ARID1B: variants seen among roughly 807,000 people sequenced by gnomAD.
The protein encoded by ARID1B is AT-rich interactive domain-containing protein 1B.
A neutral mutation model predicts 212.3 loss-of-function variants in ARID1B; 30 were observed. The ratio of observed to expected loss-of-function variants is 0.14; its 90% CI spans 0.11 to 0.19. The LOEUF is 0.19. ARID1B is among the 10% of genes least tolerant of loss of function. ARID1B has a pLI of 1.00. For missense variants in ARID1B, 2,891 were observed against 3,204.0 expected, an observed-to-expected ratio of 0.90 and a Z score of 2.36; for synonymous variants, 1,402 against 1,301.7, an observed-to-expected ratio of 1.08 and a Z score of -1.66.
intron 17 of ARID1B, among the ~76,000 whole-genome samples, chr6:157,199,684 T>A (rs889604000): frequency 6.6e-6 from 1 of 151,954 alleles, no homozygotes; most frequent in African/African-American, 2.4e-5. Flanking sequence ...CTTTTTTTCT[T>A]TTTTTGAGAT....
At chr6:157,125,776 G>A (rs1298520031) in intron 6 of ARID1B, among the ~76,000 whole-genome samples, 1 of 152,196 alleles carries the variant, frequency 6.6e-6, no homozygotes, top group Non-Finnish European at 1.5e-5. Context: ...TGTTGCCTGT[G>A]CTTGGCTCAT....
chr6:156,913,217 CTT>C lies in ARID1B; in HGVS notation c.2136+11708_2136+11709del, dbSNP rs372967890. On this transcript the variant is annotated intron_variant, in intron 3 of 19. Transcript: ENST00000636930. ...ACATCCACTCAACATTTTTCTTTTT[CTT>C]TTTTTTTTTTTTTTTGAGACAGAGT... Among the ~76,000 whole-genome samples the C allele has an allele frequency of 7.6e-3, 984 of 128,974 alleles. 6 individuals carry two copies. Among genetic ancestry groups the C allele is most frequent in the African/African-American group, 0.027 (911 of 33,922 alleles). 84.6% of individuals were successfully genotyped at this position (128,974 alleles called of 152,430 possible). A position where few individuals can be genotyped will look rare whatever the true frequency, so the allele number is the denominator to read the frequency against.
chr6:156,898,609 G>A (rs755548814), intron 2 of ARID1B, among the ~76,000 whole-genome samples: 1 of 152,170 alleles, frequency 6.6e-6, no homozygotes, highest in Non-Finnish European at 1.5e-5. Flanking sequence ...AGTCTGAACA[G>A]CATATAGTAG....
intron 4 of ARID1B, among the ~76,000 whole-genome samples, chr6:156,962,585 C>T (rs570376868): frequency 5.9e-5 from 9 of 152,130 alleles, no homozygotes; most frequent in Non-Finnish European, 1.2e-4. Flanking sequence ...CGGGCTAAAG[C>T]GATCCTCCAA....
At chr6:157,163,433 G>C (rs1042391921) in intron 8 of ARID1B, among the ~76,000 whole-genome samples, 1 of 152,200 alleles carries the variant, frequency 6.6e-6, no homozygotes. Context: ...CGTGCAGTGC[G>C]AGCCTTCTTT....
chr6:156,782,330 T>C (rs566399103), intron 1 of ARID1B, among the ~76,000 whole-genome samples: 1 of 152,174 alleles, frequency 6.6e-6, no homozygotes, highest in South Asian at 2.1e-4. Flanking sequence ...GTTTTCGTAA[T>C]TGGGACAAAA....
intron 6 of ARID1B, among the ~76,000 whole-genome samples, chr6:157,122,239 GT>G (rs1254512338): frequency 2.0e-5 from 3 of 152,108 alleles, no homozygotes; most frequent in African/African-American, 4.8e-5. Flanking sequence ...TTGAAGTAGC[GT>G]TTTTCCTAGA....
chr6:157,114,962 C>T (rs1186983985), intron 6 of ARID1B, among the ~76,000 whole-genome samples: 1 of 152,156 alleles, frequency 6.6e-6, no homozygotes, highest in Non-Finnish European at 1.5e-5. Context: ...CTACTTGGTC[C>T]TGTGTTCCCG....
At chr6:157,017,450 A>G (rs181735800) in intron 4 of ARID1B, among the ~76,000 whole-genome samples, 150 of 152,270 alleles carry the variant, frequency 9.9e-4, no homozygotes, top group Non-Finnish European at 1.9e-3. Flanking sequence ...AGATTTTATA[A>G]AATATGTTTG....
chr6:156,777,654 G>C lies in ARID1B; in HGVS notation c.-27G>C, dbSNP rs1037812919. 6.7e-6 allele frequency: 1 copy of C among 148,312 alleles called. No individual in the cohort carries two copies. Among genetic ancestry groups the C allele is most frequent in the African/African-American group, 2.4e-5 (1 of 40,824 alleles). The allele number at this position is 148,312 out of a possible 1,614,324, so 9.2% of individuals were successfully genotyped here. ...GGGTTATTGTCTCCCCCCGCCCCCC[G>C]CCCGGCCTCGCCACGCCGCGGCGAT... On this transcript the variant is annotated 5_prime_UTR_variant, in exon 1 of 20. Coordinates refer to ENST00000636930, the MANE Select transcript of ARID1B (RefSeq NM_001374828.1).
intron 2 of ARID1B, among the ~76,000 whole-genome samples, chr6:156,843,022 A>T (rs1371042218): frequency 6.6e-6 from 1 of 152,260 alleles, no homozygotes; most frequent in Non-Finnish European, 1.5e-5. Flanking sequence ...GGTGGCACAT[A>T]GACACAGCAT....
intron 1 of ARID1B, among the ~76,000 whole-genome samples, chr6:156,791,012 G>A (rs368654131): frequency 9.9e-5 from 15 of 152,186 alleles, no homozygotes; most frequent in East Asian, 7.7e-4. Context: ...AGAGAAAGAT[G>A]GAGAAGATGA....
chr6:157,020,503 G>T (rs1480150717), intron 4 of ARID1B, among the ~76,000 whole-genome samples: 1 of 151,884 alleles, frequency 6.6e-6, no homozygotes, highest in East Asian at 1.9e-4. Context: ...TTTTTATAAG[G>T]GGTTGTGTTT....
chr6:156,931,083 G>C (rs1054693263), intron 3 of ARID1B, among the ~76,000 whole-genome samples: 1 of 151,478 alleles, frequency 6.6e-6, no homozygotes, highest in Non-Finnish European at 1.5e-5. Context: ...CCAGCTACTC[G>C]GGAGGCTGAG....
chr6:156,991,157 T>G (rs1184475543), intron 4 of ARID1B, among the ~76,000 whole-genome samples: 1 of 152,218 alleles, frequency 6.6e-6, no homozygotes. Flanking sequence ...ACCCTGGCAG[T>G]CTGGGCCTGC....
At position 157,184,332 on chromosome 6, in the gene ARID1B, G is replaced by T. The variant is rs545017957; in HGVS notation, c.3816G>T (p.Leu1272=). The change falls in exon 13 of 20, where the codon CTG becomes CTT. Residue 1272 remains leucine, a synonymous_variant. Transcript: ENST00000636930. Reference sequence around the variant, plus strand: ...TGAAAAAGCAGTATATTCAGTACCTGTTTGCCTTTGAGTGCAAGATCGAAC... The same window carrying T: ...TGAAAAAGCAGTATATTCAGTACCTTTTTGCCTTTGAGTGCAAGATCGAAC... The part of the protein sequence containing the change: ...SSLKKQYIQY[L]FAFECKIERG... 4 of 1,614,180 alleles carry T rather than the reference G, an allele frequency of 2.5e-6. No homozygotes were observed. In the South Asian group the frequency reaches 4.4e-5, roughly 18 times the overall value.
chr6:156,779,611 G>A (rs1366811078), intron 1 of ARID1B, 140 bp downstream of exon 1: 5 of 911,066 alleles, frequency 5.5e-6, no homozygotes, highest in Non-Finnish European at 6.9e-6. Context: ...CATCTTGACG[G>A]GCGGCCGCCT....
intron 12 of ARID1B, among the ~76,000 whole-genome samples, chr6:157,183,099 C>A (rs905533605): frequency 3.3e-5 from 5 of 152,140 alleles, no homozygotes; most frequent in Admixed American, 1.3e-4. Flanking sequence ...TGTCCCCACC[C>A]CATCATGCTG....
chr6:157,154,688 C>T (rs1188511127), intron 8 of ARID1B, among the ~76,000 whole-genome samples: 1 of 148,484 alleles, frequency 6.7e-6, no homozygotes, highest in African/African-American at 2.5e-5. Context: ...AAGTGATTCT[C>T]CTGCCTCAGC....
Sources: gnomAD v4.1 joint callset for allele counts (sites outside exome capture counted in the v4.1 genomes callset) on GRCh38, gnomAD v4.1.1 for gene constraint, MANE v1.5 for transcripts, NCBI Gene and HGNC (gene_info 2026-07-23, HGNC 2026-07-21) for gene names.